The following PCDHGB3 variants were observed in gnomAD, a reference collection of about 807,000 sequenced individuals.
PCDHGB3 encodes protocadherin gamma subfamily B, 3.
Under a neutral mutation model 59.2 loss-of-function variants are expected in PCDHGB3, and 40 were observed. That is an observed-to-expected ratio of 0.68 (90% CI 0.52 to 0.88). The LOEUF (loss-of-function observed/expected upper bound fraction) is 0.88. PCDHGB3 is among the 40% of genes least tolerant of loss of function. The pLI is 0.00. For missense variants in PCDHGB3, 1,309 were observed against 1,187.9 expected (o/e 1.10, Z -1.50); for synonymous variants, 581 against 503.6 (o/e 1.15, Z -2.06).
intron 1 of PCDHGB3, chr5:141,428,225 A>G (rs775012950): frequency 4.3e-6 from 5 of 1,156,574 alleles, no homozygotes; most frequent in Non-Finnish European, 6.3e-6. Flanking sequence ...GTCTTCGCAG[A>G]CAGCCTGCAG....
intron 1 of PCDHGB3, chr5:141,421,835 G>A (rs755889809): frequency 5.6e-6 from 9 of 1,613,746 alleles, no homozygotes; most frequent in Non-Finnish European, 6.8e-6. Context: ...AGCCTGGACC[G>A]AGAGAAAGAG....
chr5:141,446,173 G>A (rs2098491860), intron 1 of PCDHGB3, among the ~76,000 whole-genome samples: 1 of 152,076 alleles, frequency 6.6e-6, no homozygotes, highest in East Asian at 1.9e-4. Context: ...TGAGGGCAGG[G>A]GGTGTTTTGT....
chr5:141,469,618 T>C (rs1284372508), intron 1 of PCDHGB3, among the ~76,000 whole-genome samples: 1 of 152,148 alleles, frequency 6.6e-6, no homozygotes, highest in Non-Finnish European at 1.5e-5. Context: ...ATAAAATAAA[T>C]GTTTGTAGTT....
In PCDHGB3 at chr5:141,489,844, C is replaced by G. The variant is rs1004902910; in HGVS notation, c.2416-4963C>G. Reference sequence around the variant, plus strand: ...GCTGGTGCTAGAGCAGCAGCTGGATCGTGAAGCCCAGGCAAGACATCAGCT... The same window carrying G: ...GCTGGTGCTAGAGCAGCAGCTGGATGGTGAAGCCCAGGCAAGACATCAGCT... On this transcript the variant is annotated intron_variant, in intron 1 of 3. Coordinates refer to ENST00000576222, the MANE Select transcript of PCDHGB3 (RefSeq NM_018924.5). The surrounding 1 kb of genome is among the most constrained non-coding windows in gnomAD (Gnocchi z 4.5). The G allele has an allele frequency of 1.2e-6, 2 of 1,614,030 alleles. No individual in the cohort carries two copies. Among genetic ancestry groups the G allele is most frequent in the Non-Finnish European group, 8.5e-7 (1 of 1,179,990 alleles).
intron 1 of PCDHGB3, chr5:141,385,657 C>A: frequency 1.6e-6 from 1 of 611,856 alleles, no homozygotes; most frequent in Non-Finnish European, 2.2e-6. Context: ...ACAAGGTTAG[C>A]AGGAATAAAA....
chr5:141,463,208 C>G (rs895284460), intron 1 of PCDHGB3, among the ~76,000 whole-genome samples: 1 of 152,090 alleles, frequency 6.6e-6, no homozygotes, highest in African/African-American at 2.4e-5. Flanking sequence ...CTTGGGGATC[C>G]ATATTAATAT....
chr5:141,430,594 C>T, intron 1 of PCDHGB3: 3 of 563,604 alleles, frequency 5.3e-6, no homozygotes, highest in Non-Finnish European at 5.7e-6. Flanking sequence ...GCCTTGCACG[C>T]GCCTGAAGCA....
intron 1 of PCDHGB3, chr5:141,394,248 C>T (rs937129072): frequency 9.3e-6 from 15 of 1,613,816 alleles, no homozygotes; most frequent in Admixed American, 6.7e-5. Flanking sequence ...TGCACACGAC[C>T]CCGACAGCCA....
chr5:141,432,050 C>T lies in PCDHGB3; in HGVS notation c.2415+59241C>T. The stretch of plus-strand genomic sequence containing the variant: ...GACCGCCACTGACCGGGGAACCCCG[C>T]CCCTATCCACGGAAACTCATATCTC... On this transcript the variant is annotated intron_variant, in intron 1 of 3. Transcript: ENST00000576222. The surrounding 1 kb of genome is among the most constrained non-coding windows in gnomAD (Gnocchi z 6.0). The T allele has an allele frequency of 6.2e-7, 1 of 1,614,218 alleles. No individual in the cohort carries two copies. The highest frequency in any genetic ancestry group is 8.5e-7 in the Non-Finnish European group (1 of 1,180,044).
intron 1 of PCDHGB3, chr5:141,404,276 G>A (rs754510135): frequency 6.2e-7 from 1 of 1,613,992 alleles, no homozygotes; most frequent in Non-Finnish European, 8.5e-7. Context: ...CACCCTGCAA[G>A]TGACTGACAT....
In PCDHGB3 at chr5:141,408,807, G is replaced by A. The variant is rs372007066; in HGVS notation, c.2415+35998G>A. On this transcript the variant is annotated intron_variant, in intron 1 of 3. Transcript: ENST00000576222. ...TTATCTCTGGAGAAACTCCTAGACCGGGAAGAACAGAGATCTCATAGCTTG... is the reference window on the plus strand; with the variant it reads ...TTATCTCTGGAGAAACTCCTAGACCAGGAAGAACAGAGATCTCATAGCTTG... 1.2e-5 allele frequency: 20 copies of A among 1,612,986 alleles called. No homozygotes were observed. Among genetic ancestry groups the A allele is most frequent in the Middle Eastern group, 1.6e-4 (1 of 6,084 alleles).
chr5:141,440,535 G>C (rs1305958587), intron 1 of PCDHGB3: 1 of 152,154 alleles, frequency 6.6e-6, no homozygotes, highest in African/African-American at 2.4e-5. Flanking sequence ...CATGCACCAC[G>C]GTTCAGCAGG....
intron 1 of PCDHGB3, among the ~76,000 whole-genome samples, chr5:141,460,104 T>C (rs2098982178): frequency 6.6e-6 from 1 of 151,986 alleles, no homozygotes; most frequent in African/African-American, 2.4e-5. Flanking sequence ...CATGTAATTA[T>C]ATATGATTTT....
chr5:141,424,127 A>T (rs901831932), intron 1 of PCDHGB3: 1 of 486,538 alleles, frequency 2.1e-6, no homozygotes, highest in African/African-American at 2.1e-5. Flanking sequence ...GATCCTGTTG[A>T]TTTAATAGCA....
rs185995562 is a variant in PCDHGB3 at position 141,410,475 on chromosome 5, A to T, written c.2415+37666A>T. 63 of 1,614,052 alleles carry T rather than the reference A, an allele frequency of 3.9e-5. No individual in the cohort carries two copies. The highest frequency in any genetic ancestry group is 3.3e-4 in the Middle Eastern group (2 of 6,062). ...TATTCTTATAATCTGTGCATTGCAC[A>T]TACGGGTACAAAAGAGTTTAATTTC... On this transcript the variant is annotated intron_variant, in intron 1 of 3. Transcript: ENST00000576222.
intron 1 of PCDHGB3, among the ~76,000 whole-genome samples, chr5:141,425,382 G>A (rs1455106607): frequency 1.3e-5 from 2 of 152,208 alleles, no homozygotes; most frequent in African/African-American, 4.8e-5. Context: ...TTGATTCGGA[G>A]GTAGTGATAA....
At chr5:141,456,057 C>T (rs2098842079) in intron 1 of PCDHGB3, among the ~76,000 whole-genome samples, 1 of 151,914 alleles carries the variant, frequency 6.6e-6, no homozygotes, top group South Asian at 2.1e-4. Context: ...ACCACCACGT[C>T]CGGCTAATTT....
At chr5:141,467,582 TGCCATTTATTAA>T (rs2099146610) in intron 1 of PCDHGB3, among the ~76,000 whole-genome samples, 2 of 152,216 alleles carry the variant, frequency 1.3e-5, no homozygotes, top group Non-Finnish European at 1.5e-5. Context: ...GTTGTCCCAA[TGCCATTTATTAA>T]GCACTTCATC....
At chr5:141,429,378 T>TTTG (rs2097208019) in intron 1 of PCDHGB3, among the ~76,000 whole-genome samples, 1 of 105,336 alleles carries the variant, frequency 9.5e-6, no homozygotes, top group African/African-American at 5.2e-5. Flanking sequence ...AGAAAATGTG[T>TTTG]TTTTTTTTTA....
Sources: gnomAD v4.1 joint callset for allele counts (sites outside exome capture counted in the v4.1 genomes callset) on GRCh38, gnomAD v4.1.1 for gene constraint, Gnocchi (gnomAD v3.1) non-coding constraint, MANE v1.5 for transcripts, NCBI Gene and HGNC (gene_info 2026-07-23, HGNC 2026-07-21) for gene names.